Variants in ZBTB44 observed in about 807,000 individuals in gnomAD.
ZBTB44 encodes zinc finger and BTB domain containing 44, also known as zinc finger and BTB domain-containing protein 44.
In ZBTB44, 15 loss-of-function variants were observed where a neutral mutation model predicts 54.0. That is an observed-to-expected ratio of 0.28 (90% CI 0.19 to 0.43). The LOEUF is 0.43. Ranked by LOEUF, ZBTB44 falls within the 20% of genes least tolerant of loss-of-function variation. The pLI is 1.00. For missense variants in ZBTB44, 487 were observed against 707.1 expected, an observed-to-expected ratio of 0.69 and a Z score of 3.53; for synonymous variants, 230 against 250.1, an observed-to-expected ratio of 0.92 and a Z score of 0.76.
At chr11:130,285,359 T>G (rs1387810251) in intron 1 of ZBTB44, 1 of 149,200 alleles carries the variant, frequency 6.7e-6, no homozygotes, top group Non-Finnish European at 1.5e-5. Context: ...TGGCACAATC[T>G]CGGCTCACTG....
intron 4 of ZBTB44, 96 bp downstream of exon 4, chr11:130,238,348 A>T (rs1954202780): frequency 1.4e-5 from 19 of 1,373,144 alleles, no homozygotes; most frequent in Non-Finnish European, 1.8e-5. Context: ...AGTTTTTTTT[A>T]AAACTCAGAA....
intron 1 of ZBTB44, among the ~76,000 whole-genome samples, chr11:130,300,434 T>C (rs1168629771): frequency 5.3e-5 from 8 of 151,172 alleles, no homozygotes; most frequent in Non-Finnish European, 1.2e-4. Flanking sequence ...AGCACAGACA[T>C]AAATTAAACA....
intron 5 of ZBTB44, chr11:130,236,276 T>G: frequency 8.0e-7 from 1 of 1,257,622 alleles, no homozygotes; most frequent in Non-Finnish European, 1.0e-6. Context: ...AGCTCTAAAC[T>G]GAATGAAAAT....
In ZBTB44 at chr11:130,236,780, T is replaced by C. The variant is rs566816745; in HGVS notation, c.1568+13A>G. Reference sequence around the variant, plus strand: ...AGCAGTTTTCCTGGTTGGGTTTTCGTTGTGCACCTCACCTGCTCTGGAAGT... The same window carrying C: ...AGCAGTTTTCCTGGTTGGGTTTTCGCTGTGCACCTCACCTGCTCTGGAAGT... On this transcript the variant is annotated intron_variant, in intron 5 of 7. Transcript: ENST00000357899. 1.2e-5 allele frequency: 16 copies of C among 1,329,722 alleles called. No homozygotes were observed. The South Asian group carries it at 2.1e-4, about 17-fold the overall frequency. 82.4% of individuals were successfully genotyped at this position (1,329,722 alleles called of 1,614,324 possible).
intron 2 of ZBTB44, among the ~76,000 whole-genome samples, chr11:130,241,737 CT>C (rs1438866461): frequency 2.0e-5 from 3 of 151,768 alleles, no homozygotes; most frequent in Non-Finnish European, 4.4e-5. Context: ...ATTGTTATGG[CT>C]TTTTGGTCTT....
At chr11:130,285,681 CT>C in intron 1 of ZBTB44, 1 of 268,908 alleles carries the variant, frequency 3.7e-6, no homozygotes, top group Admixed American at 3.7e-5. Flanking sequence ...TTCTACAATT[CT>C]TTTCTCTTGA....
At chr11:130,253,360 T>G (rs947021773) in intron 2 of ZBTB44, among the ~76,000 whole-genome samples, 2 of 152,194 alleles carry the variant, frequency 1.3e-5, no homozygotes, top group African/African-American at 4.8e-5. Context: ...GATAAGCAAC[T>G]TCAGCAAAGT....
At chr11:130,299,007 T>G (rs1941841618) in intron 1 of ZBTB44, among the ~76,000 whole-genome samples, 1 of 151,806 alleles carries the variant, frequency 6.6e-6, no homozygotes, top group Non-Finnish European at 1.5e-5. Context: ...TTGTTAACCC[T>G]GGGAGGTGGA....
chr11:130,312,183 T>C (rs1008261799), intron 1 of ZBTB44, among the ~76,000 whole-genome samples: 2 of 152,230 alleles, frequency 1.3e-5, no homozygotes, highest in African/African-American at 2.4e-5. Flanking sequence ...CTCCAATAAC[T>C]GATTTAAGCA....
Position 130,314,898 on chromosome 11 carries a change from C to G in ZBTB44, c.-580G>C, listed in dbSNP as rs1942861817. 7.4e-6 allele frequency: 1 copy of G among 135,834 alleles called. No individual in the cohort carries two copies. Among genetic ancestry groups the G allele is most frequent in the South Asian group, 2.6e-4 (1 of 3,908 alleles). The allele number at this position is 135,834 out of a possible 1,614,324, so 8.4% of individuals were successfully genotyped here. The stretch of plus-strand genomic sequence containing the variant: ...GCTCACTCCAGCCTGTTTGGGGGCA[C>G]TTTGTTTGTGTCCCACAATGCTCTG... On this transcript the variant is annotated 5_prime_UTR_variant, in exon 1 of 8. Coordinates refer to ENST00000357899, the MANE Select transcript of ZBTB44 (RefSeq NM_001301098.2).
Position 130,239,812 on chromosome 11 carries a change from C to T in ZBTB44, c.1103G>A (p.Arg368Gln), listed in dbSNP as rs1954276208. The T allele has an allele frequency of 1.2e-6, 2 of 1,610,970 alleles. No homozygotes were observed. The highest frequency in any genetic ancestry group is 1.1e-5 in the South Asian group (1 of 90,666). Residue 368 changes from arginine (R) to glutamine (Q), a missense_variant and splice_region_variant, in exon 3 of 8, where the codon CGA becomes CAA. Coordinates refer to ENST00000357899, the MANE Select transcript of ZBTB44 (RefSeq NM_001301098.2). Reference sequence around the variant, plus strand: ...AACGAAATGCTATGTTAGTACTGACCGATCATCATCATCCGGAGGAGCATT... The same window carrying T: ...AACGAAATGCTATGTTAGTACTGACTGATCATCATCATCCGGAGGAGCATT... Reference protein sequence around the residue: ...STNAPPDDDDRLENVQYPYQL... With the variant: ...STNAPPDDDDQLENVQYPYQL...
chr11:130,287,905 C>T (rs184388072), intron 1 of ZBTB44, among the ~76,000 whole-genome samples: 12 of 150,898 alleles, frequency 8.0e-5, no homozygotes, highest in Non-Finnish European at 2.9e-5. Flanking sequence ...AAATTATTCA[C>T]CTAAAAATAA....
At chr11:130,278,218 T>C (rs1592014976) in intron 1 of ZBTB44, among the ~76,000 whole-genome samples, 1 of 152,346 alleles carries the variant, frequency 6.6e-6, no homozygotes, top group South Asian at 2.1e-4. Context: ...CACAGCTTAG[T>C]CTAGCTTAAA....
Position 130,262,315 on chromosome 11 carries a change from T to G in ZBTB44, c.-56-386A>C, listed in dbSNP as rs552012559. On this transcript the variant is annotated intron_variant, in intron 1 of 7. Transcript: ENST00000357899. ...CCCTCATGCCTGGCTAAGTTTTGTA[T>G]TTTTGTAGAGATGGGGTTTCACCAT... Among the ~76,000 whole-genome samples the G allele has an allele frequency of 1.1e-4, 16 of 152,150 alleles. No individual in the cohort carries two copies. The East Asian group carries it at 1.7e-3, about 17-fold the overall frequency.
chr11:130,305,108 A>G (rs1379997591), intron 1 of ZBTB44, among the ~76,000 whole-genome samples: 2 of 152,238 alleles, frequency 1.3e-5, no homozygotes, highest in African/African-American at 4.8e-5. Flanking sequence ...CAAATCATCG[A>G]TGACACAAAC....
chr11:130,311,687 A>C (rs1942616009), intron 1 of ZBTB44, among the ~76,000 whole-genome samples: 1 of 152,226 alleles, frequency 6.6e-6, no homozygotes, highest in African/African-American at 2.4e-5. Flanking sequence ...AAGCAATGAT[A>C]CTGCAGCAGC....
intron 1 of ZBTB44, among the ~76,000 whole-genome samples, chr11:130,265,373 T>C (rs184956590): frequency 9.5e-4 from 145 of 152,234 alleles, no homozygotes; most frequent in African/African-American, 3.2e-3. Flanking sequence ...TACAGGTGCA[T>C]ACAACAAAGC....
chr11:130,260,475 C>T (rs1182517508), intron 2 of ZBTB44, among the ~76,000 whole-genome samples: 2 of 152,188 alleles, frequency 1.3e-5, no homozygotes, highest in Non-Finnish European at 2.9e-5. Flanking sequence ...TCTGCTTCCC[C>T]AATTAGATGA....
intron 2 of ZBTB44, among the ~76,000 whole-genome samples, chr11:130,259,940 T>A (rs2136426366): frequency 6.6e-6 from 1 of 151,496 alleles, no homozygotes; most frequent in African/African-American, 2.4e-5. Context: ...TACCCCAGAA[T>A]TTGAATTAAA....
Sources: allele counts gnomAD v4.1 joint callset (sites outside exome capture counted in the v4.1 genomes callset), GRCh38; gene constraint gnomAD v4.1.1; transcripts MANE v1.5; gene names NCBI Gene and HGNC (gene_info 2026-07-23, HGNC 2026-07-21).